The following DCC variants were observed in gnomAD, a reference collection of about 807,000 sequenced individuals.
DCC encodes the protein DCC netrin 1 receptor.
A neutral mutation model predicts 172.5 loss-of-function variants in DCC; 58 were observed. The ratio of observed to expected loss-of-function variants is 0.34; its 90% CI spans 0.27 to 0.42. DCC has a LOEUF of 0.42. Ranked by LOEUF, DCC falls within the 10% of genes least tolerant of loss-of-function variation. DCC has a pLI of 1.00. For missense variants in DCC, 1,740 were observed against 1,791.0 expected (o/e 0.97, Z 0.51); for synonymous variants, 709 against 644.5 (o/e 1.10, Z -1.52).
chr18:53,015,872 T>A (rs2041801350), intron 5 of DCC, among the ~76,000 whole-genome samples: 1 of 152,108 alleles, frequency 6.6e-6, no homozygotes, highest in Non-Finnish European at 1.5e-5. Context: ...CTACCATTAA[T>A]ATATTTTTCA....
At chr18:52,551,797 A>AGAG (rs1331464300) in intron 1 of DCC, among the ~76,000 whole-genome samples, 1 of 151,700 alleles carries the variant, frequency 6.6e-6, no homozygotes, top group African/African-American at 2.4e-5. Flanking sequence ...TATTTCTAGT[A>AGAG]GAGGAGAGAT....
rs543900337 is a variant in DCC at position 52,913,091 on chromosome 18, C to G, written c.697+6763C>G. Among the ~76,000 whole-genome samples, 175 of 152,152 alleles carry G rather than the reference C, an allele frequency of 1.2e-3. 1 individual carries two copies. The highest frequency in any genetic ancestry group is 4.1e-3 in the African/African-American group (169 of 41,550). On this transcript the variant is annotated intron_variant, in intron 3 of 28. Coordinates refer to ENST00000442544, the MANE Select transcript of DCC (RefSeq NM_005215.4). ...CGTCATTCTGTGCCCCTCTCCACACCAGATGATAACTTTAGCCTGCCCTCC... is the reference window on the plus strand; with the variant it reads ...CGTCATTCTGTGCCCCTCTCCACACGAGATGATAACTTTAGCCTGCCCTCC...
intron 22 of DCC, among the ~76,000 whole-genome samples, chr18:53,442,573 A>G (rs1430565945): frequency 4.6e-5 from 7 of 152,180 alleles, no homozygotes; most frequent in Non-Finnish European, 1.0e-4. Context: ...TAATAACCCT[A>G]CAAGGCTTCT....
chr18:53,189,363 A>G (rs1489948845), intron 9 of DCC, among the ~76,000 whole-genome samples: 1 of 152,054 alleles, frequency 6.6e-6, no homozygotes, highest in South Asian at 2.1e-4. Context: ...CCTGTGGTCA[A>G]TGTTAGTAAG....
intron 9 of DCC, among the ~76,000 whole-genome samples, chr18:53,199,567 A>G (rs2055503320): frequency 6.6e-6 from 1 of 150,846 alleles, no homozygotes; most frequent in African/African-American, 2.4e-5. Flanking sequence ...ATATCTTCAT[A>G]ATTAATGTAA....
chr18:52,697,303 T>C (rs1050018974), intron 1 of DCC, among the ~76,000 whole-genome samples: 1 of 152,226 alleles, frequency 6.6e-6, no homozygotes, highest in African/African-American at 2.4e-5. Context: ...GGAAGTTTAC[T>C]GTTATCCACA....
At chr18:53,449,136 TAAAG>T (rs1434289424) in intron 22 of DCC, among the ~76,000 whole-genome samples, 2 of 152,216 alleles carry the variant, frequency 1.3e-5, no homozygotes, top group African/African-American at 4.8e-5. Flanking sequence ...TATAGGTTAT[TAAAG>T]AAAAATAATC....
At chr18:52,785,455 G>T (rs889179082) in intron 2 of DCC, among the ~76,000 whole-genome samples, 1 of 152,046 alleles carries the variant, frequency 6.6e-6, no homozygotes, top group African/African-American at 2.4e-5. Flanking sequence ...TCCACCCTCT[G>T]CAGTGGTAAC....
intron 1 of DCC, among the ~76,000 whole-genome samples, chr18:52,666,026 C>T (rs4940203): frequency 0.38 from 57,524 of 151,996 alleles, 11,043 homozygotes; most frequent in East Asian, 0.42. Flanking sequence ...GGCCGGGTGC[C>T]GTGACTCATG....
intron 10 of DCC, among the ~76,000 whole-genome samples, chr18:53,207,459 A>C (rs1391601518): frequency 6.6e-6 from 1 of 152,208 alleles, no homozygotes; most frequent in Non-Finnish European, 1.5e-5. Flanking sequence ...TTGGAACTTA[A>C]TGACTGTAAA....
At chr18:52,874,065 A>AT (rs950225479) in intron 2 of DCC, among the ~76,000 whole-genome samples, 3 of 152,166 alleles carry the variant, frequency 2.0e-5, no homozygotes, top group Admixed American at 6.6e-5. Flanking sequence ...CCTTTGTTAG[A>AT]TAAAAATCCA....
intron 1 of DCC, among the ~76,000 whole-genome samples, chr18:52,497,751 T>A (rs768941187): frequency 2.0e-5 from 3 of 152,038 alleles, no homozygotes; most frequent in Non-Finnish European, 4.4e-5. Flanking sequence ...CAAGGGGTGG[T>A]CTATACACAG....
At chr18:53,051,008 CT>C (rs1340139996) in intron 5 of DCC, among the ~76,000 whole-genome samples, 1 of 152,086 alleles carries the variant, frequency 6.6e-6, no homozygotes, top group East Asian at 1.9e-4. Flanking sequence ...GGCAGGAGGA[CT>C]GCTTGAGCCC....
At chr18:53,370,567 G>T (rs1042545578) in intron 15 of DCC, among the ~76,000 whole-genome samples, 5 of 151,634 alleles carry the variant, frequency 3.3e-5, no homozygotes, top group Non-Finnish European at 7.4e-5. Context: ...ATGTGTTTTG[G>T]TACACTGTCT....
At chr18:52,581,702 T>C (rs2033554933) in intron 1 of DCC, among the ~76,000 whole-genome samples, 1 of 152,116 alleles carries the variant, frequency 6.6e-6, no homozygotes, top group Admixed American at 6.5e-5. Context: ...TTTAGCAAAC[T>C]CCAGGAACAT....
In DCC at chr18:53,530,859, T is replaced by C; in HGVS notation, c.*206T>C. On this transcript the variant is annotated 3_prime_UTR_variant, in exon 29 of 29. Transcript: ENST00000442544. ...ATCAGGAATTGTCAAATGATGATTA[T>C]GAGTTCCCTAAACAAAAGCAAAGAT... 1 of 635,510 alleles carries C rather than the reference T, an allele frequency of 1.6e-6. No homozygotes were observed. Among genetic ancestry groups the C allele is most frequent in the Non-Finnish European group, 2.8e-6 (1 of 352,344 alleles). The allele number at this position is 635,510 out of a possible 1,614,324, so 39.4% of individuals were successfully genotyped here.
intron 9 of DCC, among the ~76,000 whole-genome samples, chr18:53,185,206 C>T (rs553883989): frequency 6.6e-6 from 1 of 152,182 alleles, no homozygotes; most frequent in South Asian, 2.1e-4. Context: ...TGACCAAAGG[C>T]TTAAGGAATT....
chr18:53,320,723 T>A (rs1170945143), intron 13 of DCC, among the ~76,000 whole-genome samples: 2 of 152,236 alleles, frequency 1.3e-5, no homozygotes, highest in East Asian at 1.9e-4. Flanking sequence ...GTTTTAGTTT[T>A]AGTGGATTTT....
intron 7 of DCC, among the ~76,000 whole-genome samples, chr18:53,090,834 G>T (rs1307927639): frequency 6.7e-6 from 1 of 150,046 alleles, no homozygotes; most frequent in African/African-American, 2.5e-5. Flanking sequence ...GTCTTAGGAC[G>T]TAGGACAATT....
Sources: gnomAD v4.1 joint callset for allele counts (sites outside exome capture counted in the v4.1 genomes callset) on GRCh38, gnomAD v4.1.1 for gene constraint, MANE v1.5 for transcripts, NCBI Gene and HGNC (gene_info 2026-07-23, HGNC 2026-07-21) for gene names.